ADAMTSL1: variants seen among roughly 807,000 people sequenced by gnomAD.
The protein encoded by ADAMTSL1 is ADAMTS like 1, also known as ADAMTS-like protein 1.
A neutral mutation model predicts 201.8 loss-of-function variants in ADAMTSL1; 126 were observed. That is an observed-to-expected ratio of 0.62 (90% CI 0.54 to 0.72). The LOEUF (loss-of-function observed/expected upper bound fraction) is 0.72. Among genes scored for constraint, ADAMTSL1 ranks in the 30% least tolerant of loss-of-function variants. The pLI, the probability that ADAMTSL1 is intolerant of heterozygous loss-of-function variation, is 0.00. For missense variants in ADAMTSL1, 2,679 were observed against 2,277.8 expected (o/e 1.18, Z -3.59); for synonymous variants, 1,121 against 903.4 (o/e 1.24, Z -4.32).
intron 13 of ADAMTSL1, among the ~76,000 whole-genome samples, chr9:18,705,572 T>C (rs1832184098): frequency 6.6e-6 from 1 of 152,222 alleles, no homozygotes; most frequent in Admixed American, 6.5e-5. Flanking sequence ...CTTGTCTGAA[T>C]GCAAAACCTC....
intron 1 of ADAMTSL1, among the ~76,000 whole-genome samples, chr9:18,067,944 G>A (rs1000183528): frequency 1.3e-5 from 2 of 151,974 alleles, no homozygotes; most frequent in African/African-American, 4.8e-5. Flanking sequence ...TGAGCACAGA[G>A]GATTTAGAGT....
intron 1 of ADAMTSL1, among the ~76,000 whole-genome samples, chr9:17,977,220 G>T (rs1399354924): frequency 6.6e-6 from 1 of 151,978 alleles, no homozygotes; most frequent in Non-Finnish European, 1.5e-5. Context: ...GTTTAATTCA[G>T]TTTGCCATTA....
chr9:17,985,498 A>G (rs913736692), intron 1 of ADAMTSL1, among the ~76,000 whole-genome samples: 2 of 152,152 alleles, frequency 1.3e-5, no homozygotes, highest in African/African-American at 4.8e-5. Context: ...GAGTACTACA[A>G]AAAAGATACT....
intron 23 of ADAMTSL1, among the ~76,000 whole-genome samples, chr9:18,839,001 C>G (rs1039846004): frequency 2.7e-5 from 4 of 148,996 alleles, no homozygotes; most frequent in Non-Finnish European, 5.9e-5. Flanking sequence ...GGCCCACCCC[C>G]TCTTTTTAGC....
chr9:17,907,166 G>C (rs940923340), intron 1 of ADAMTSL1, among the ~76,000 whole-genome samples: 2 of 152,146 alleles, frequency 1.3e-5, no homozygotes, highest in South Asian at 2.1e-4. Context: ...CTGGCTTTTC[G>C]CCCTTACCTG....
At chr9:18,587,484 T>C (rs1823584233) in intron 4 of ADAMTSL1, among the ~76,000 whole-genome samples, 1 of 152,080 alleles carries the variant, frequency 6.6e-6, no homozygotes, top group Non-Finnish European at 1.5e-5. Context: ...TTTCTTTGTA[T>C]GGGGAGCATT....
At chr9:18,433,967 TTA>T (rs1819610018) in intron 2 of ADAMTSL1, among the ~76,000 whole-genome samples, 1 of 152,202 alleles carries the variant, frequency 6.6e-6, no homozygotes, top group Non-Finnish European at 1.5e-5. Context: ...CAAAGAGCTG[TTA>T]GAAACTGTAA....
At chr9:18,328,465 T>C (rs899868969) in intron 2 of ADAMTSL1, among the ~76,000 whole-genome samples, 1 of 152,232 alleles carries the variant, frequency 6.6e-6, no homozygotes, top group Non-Finnish European at 1.5e-5. Context: ...ATTTTCCATG[T>C]ATTAACTCAC....
chr9:18,550,470 C>G (rs145271020), intron 3 of ADAMTSL1, among the ~76,000 whole-genome samples: 1 of 152,050 alleles, frequency 6.6e-6, no homozygotes, highest in African/African-American at 2.4e-5. Context: ...GTGGCAAGAA[C>G]CGCAGAGAAG....
chr9:18,165,869 A>G (rs1262157155), intron 2 of ADAMTSL1, among the ~76,000 whole-genome samples: 2 of 151,926 alleles, frequency 1.3e-5, no homozygotes, highest in Non-Finnish European at 2.9e-5. Flanking sequence ...AATCGCCGTA[A>G]TCTCCGTTTG....
In ADAMTSL1 at chr9:17,916,886, A is replaced by G. The variant is rs562456376; in HGVS notation, c.87+9964A>G. On this transcript the variant is annotated intron_variant, in intron 1 of 29. Coordinates refer to the ADAMTSL1 transcript ENST00000680146. ...ATTTTGAGAGAATTGTCGTTTTACT[A>G]ATACTGAGTTTCATGACTCATGAAC... 3.3e-5 allele frequency among the ~76,000 whole-genome samples: 5 copies of G among 152,298 alleles called. No individual in the cohort carries two copies. The East Asian group carries it at 9.6e-4, about 29-fold the overall frequency.
chr9:17,914,540 C>G (rs111548481), intron 1 of ADAMTSL1, among the ~76,000 whole-genome samples: 1 of 151,812 alleles, frequency 6.6e-6, no homozygotes, highest in East Asian at 1.9e-4. Flanking sequence ...TAAGAGCTAT[C>G]TATGACAAAC....
chr9:18,367,410 T>G (rs1413555129), intron 2 of ADAMTSL1, among the ~76,000 whole-genome samples: 1 of 151,518 alleles, frequency 6.6e-6, no homozygotes, highest in East Asian at 1.9e-4. Context: ...CATGACATAA[T>G]GGAAAGAAAT....
intron 1 of ADAMTSL1, among the ~76,000 whole-genome samples, chr9:18,078,864 C>T (rs1001886598): frequency 1.3e-5 from 2 of 152,162 alleles, no homozygotes; most frequent in African/African-American, 4.8e-5. Flanking sequence ...CAGTATGGCC[C>T]ATCTCTGGCA....
chr9:17,932,455 G>A (rs1826835219), intron 1 of ADAMTSL1, among the ~76,000 whole-genome samples: 1 of 152,086 alleles, frequency 6.6e-6, no homozygotes, highest in South Asian at 2.1e-4. Flanking sequence ...TATCTCTTAT[G>A]CTTTTTTGTC....
intron 16 of ADAMTSL1, among the ~76,000 whole-genome samples, chr9:18,762,540 A>G (rs957929876): frequency 2.6e-5 from 4 of 152,024 alleles, no homozygotes; most frequent in African/African-American, 9.7e-5. Flanking sequence ...TTTTTAATCT[A>G]CAGTTATTAT....
Position 18,707,027 on chromosome 9 carries a change from T to G in ADAMTSL1, c.1855T>G (p.Cys619Gly). The G allele has an allele frequency of 6.2e-7, 1 of 1,613,714 alleles. No individual in the cohort carries two copies. The highest frequency in any genetic ancestry group is 1.7e-5 in the Admixed American group (1 of 60,014). ...YDWEYEGFTK[C>G]SESCGGGVQE... ...CTGGGAGTATGAGGGGTTCACCAAG[T>G]GCTCCGAGTCCTGTGGAGGAGGTAA... is the stretch of plus-strand genomic sequence containing the variant. The change falls in exon 14 of 29, where the codon TGC becomes GGC. Residue 619 changes from cysteine to glycine, a missense_variant. Physicochemically the swap from Cys to Gly is radical, Grantham distance 159 (BLOSUM62 -3). Coordinates refer to ENST00000380548, the MANE Select transcript of ADAMTSL1 (RefSeq NM_001040272.6).
At chr9:18,597,215 C>T (rs1232182914) in intron 4 of ADAMTSL1, among the ~76,000 whole-genome samples, 1 of 152,098 alleles carries the variant, frequency 6.6e-6, no homozygotes, top group Non-Finnish European at 1.5e-5. Context: ...TCTTTTTTAT[C>T]TTTTAATATA....
intron 1 of ADAMTSL1, among the ~76,000 whole-genome samples, chr9:18,120,224 C>A (rs1825439598): frequency 6.6e-6 from 1 of 152,198 alleles, no homozygotes; most frequent in Non-Finnish European, 1.5e-5. Context: ...TTTTTTACCA[C>A]ATGGGCCTCT....
Sources: allele counts gnomAD v4.1 joint callset (sites outside exome capture counted in the v4.1 genomes callset), GRCh38; gene constraint gnomAD v4.1.1; transcripts MANE v1.5; gene names NCBI Gene and HGNC (gene_info 2026-07-23, HGNC 2026-07-21).